TRERF1: variants seen among roughly 807,000 people sequenced by gnomAD.
The protein encoded by TRERF1 is transcriptional regulating factor 1.
Under a neutral mutation model 122.9 loss-of-function variants are expected in TRERF1, and 27 were observed. The observed-to-expected ratio is 0.22, with a 90% CI of 0.16 to 0.30. TRERF1 has a LOEUF of 0.30. TRERF1 is among the 10% of genes least tolerant of loss of function. TRERF1 has a pLI of 1.00. For synonymous variants in TRERF1, 636 were observed against 641.7 expected (o/e 0.99, Z 0.13); for missense variants, 1,248 against 1,560.3 (o/e 0.80, Z 3.37).
intron 13 of TRERF1, among the ~76,000 whole-genome samples, chr6:42,251,037 C>G (rs1775706050): frequency 7.2e-6 from 1 of 138,996 alleles, no homozygotes; most frequent in African/African-American, 2.7e-5. Flanking sequence ...CACTCTGTCG[C>G]CCAGGTTGGA....
At chr6:42,233,985 A>G (rs1771469223) in intron 16 of TRERF1, among the ~76,000 whole-genome samples, 1 of 152,210 alleles carries the variant, frequency 6.6e-6, no homozygotes, top group South Asian at 2.1e-4. Flanking sequence ...GGGTTTTCTT[A>G]ACATCAGCAC....
chr6:42,304,788 C>T (rs867596750), intron 3 of TRERF1, among the ~76,000 whole-genome samples: 2 of 152,198 alleles, frequency 1.3e-5, no homozygotes, highest in Non-Finnish European at 2.9e-5. Context: ...TTGAGAACTA[C>T]CATTCTACCG....
chr6:42,281,108 GCTCCCCT>G (rs1384812188), intron 4 of TRERF1, among the ~76,000 whole-genome samples: 1 of 152,104 alleles, frequency 6.6e-6, no homozygotes, highest in Non-Finnish European at 1.5e-5. Context: ...CAATCTTCAT[GCTCCCCT>G]GGGAAGCCCC....
chr6:42,381,839 G>A (rs1046948435), intron 2 of TRERF1, among the ~76,000 whole-genome samples: 1 of 148,348 alleles, frequency 6.7e-6, no homozygotes, highest in Non-Finnish European at 1.5e-5. Flanking sequence ...GGCCATCAGA[G>A]GCTCCCCTGG....
rs1051461135 is a variant in TRERF1 at position 42,268,077 on chromosome 6, G to A, written c.1437+77C>T. 2.1e-5 allele frequency: 29 copies of A among 1,355,288 alleles called. No individual in the cohort carries two copies. The African/African-American group carries it at 2.2e-4, about 10-fold the overall frequency. The allele number at this position is 1,355,288 out of a possible 1,614,324, so 84.0% of individuals were successfully genotyped here. On this transcript the variant is annotated intron_variant, in intron 5 of 17. Coordinates refer to ENST00000372922, the Ensembl canonical transcript of TRERF1. This position sits in a 1 kb window ranked among gnomAD's most constrained non-coding sequence, Gnocchi z 4.4. The stretch of plus-strand genomic sequence containing the variant: ...CAAAAGGGTTGAGGGGGCTTGGAGA[G>A]AGGATTGAGCACTGCAGACTCAGCC...
chr6:42,277,542 T>A (rs903254015), intron 4 of TRERF1, among the ~76,000 whole-genome samples: 5 of 152,150 alleles, frequency 3.3e-5, no homozygotes, highest in Non-Finnish European at 7.3e-5. Flanking sequence ...TCTGTGAATA[T>A]GGGGTAGTTA....
chr6:42,237,524 A>T (rs1271299929), intron 15 of TRERF1, among the ~76,000 whole-genome samples: 1 of 152,206 alleles, frequency 6.6e-6, no homozygotes, highest in African/African-American at 2.4e-5. Flanking sequence ...GTCGTTTTAT[A>T]AACGAGGAAG....
chr6:42,365,299 G>A (rs555194900), intron 2 of TRERF1, among the ~76,000 whole-genome samples: 12 of 152,280 alleles, frequency 7.9e-5, no homozygotes, highest in East Asian at 1.9e-4. Flanking sequence ...GCCAGAGGCC[G>A]TGGTTTCGTA....
chr6:42,350,403 C>G (rs1769186302), intron 3 of TRERF1, among the ~76,000 whole-genome samples: 1 of 152,210 alleles, frequency 6.6e-6, no homozygotes, highest in South Asian at 2.1e-4. Context: ...TAAGCTCTAA[C>G]ACGAAAAATG....
chr6:42,447,620 G>A (rs1288361351), intron 2 of TRERF1, among the ~76,000 whole-genome samples: 1 of 152,122 alleles, frequency 6.6e-6, no homozygotes, highest in East Asian at 1.9e-4. Context: ...GAATTCAACC[G>A]CCTTTAGAGC....
intron 3 of TRERF1, among the ~76,000 whole-genome samples, chr6:42,347,469 A>C (rs192717674): frequency 1.3e-5 from 2 of 152,246 alleles, no homozygotes; most frequent in African/African-American, 4.8e-5. Flanking sequence ...AGAATCATTC[A>C]ATTATTCAAC....
intron 2 of TRERF1, among the ~76,000 whole-genome samples, chr6:42,433,836 G>C (rs1784853187): frequency 6.6e-6 from 1 of 151,974 alleles, no homozygotes; most frequent in African/African-American, 2.4e-5. Flanking sequence ...TGGATAAACA[G>C]AGCAAGACCC....
At chr6:42,422,883 A>G (rs1178049827) in intron 2 of TRERF1, among the ~76,000 whole-genome samples, 1 of 151,796 alleles carries the variant, frequency 6.6e-6, no homozygotes, top group Non-Finnish European at 1.5e-5. Flanking sequence ...CTTGTTGCCC[A>G]GGCTGGAGTG....
At chr6:42,415,305 T>G (rs1237917575) in intron 2 of TRERF1, among the ~76,000 whole-genome samples, 1 of 152,172 alleles carries the variant, frequency 6.6e-6, no homozygotes, top group Non-Finnish European at 1.5e-5. Flanking sequence ...TTTATCATAT[T>G]TTTTCCAAAT....
At chr6:42,258,164 C>T in exon 10 of TRERF1, 1 of 1,614,214 alleles carries the variant, frequency 6.2e-7, no homozygotes, top group South Asian at 1.1e-5. Flanking sequence ...GCTCTCCAGG[C>T]CCTGGGGTGA....
chr6:42,265,677 A>G, intron 6 of TRERF1, 74 bp downstream of exon 6: 1 of 1,466,620 alleles, frequency 6.8e-7, no homozygotes, highest in Admixed American at 1.9e-5. Context: ...TGGAATTTAA[A>G]AATGAATCAT....
intron 2 of TRERF1, among the ~76,000 whole-genome samples, chr6:42,429,417 G>A (rs1026551382): frequency 2.6e-5 from 4 of 152,134 alleles, no homozygotes; most frequent in Non-Finnish European, 5.9e-5. Flanking sequence ...AGAAAACCAC[G>A]GAGGGGGGGA....
intron 3 of TRERF1, among the ~76,000 whole-genome samples, chr6:42,302,455 T>C (rs1417324157): frequency 6.6e-6 from 1 of 151,898 alleles, no homozygotes; most frequent in Non-Finnish European, 1.5e-5. Flanking sequence ...GAAGAAAACT[T>C]CCTTTTTCAA....
intron 2 of TRERF1, among the ~76,000 whole-genome samples, chr6:42,421,242 A>C (rs1782726382): frequency 6.6e-6 from 1 of 152,232 alleles, no homozygotes; most frequent in South Asian, 2.1e-4. Flanking sequence ...AACAGCAGGT[A>C]ATATTATTAA....
Sources: gnomAD v4.1 joint callset for allele counts (sites outside exome capture counted in the v4.1 genomes callset) on GRCh38, gnomAD v4.1.1 for gene constraint, Gnocchi (gnomAD v3.1) non-coding constraint, MANE v1.5 for transcripts, NCBI Gene and HGNC (gene_info 2026-07-23, HGNC 2026-07-21) for gene names.